Variants in ITGB5 observed in about 807,000 individuals in gnomAD.
ITGB5 encodes the protein integrin beta-5.
A neutral mutation model predicts 84.8 loss-of-function variants in ITGB5; 38 were observed. The ratio of observed to expected loss-of-function variants is 0.45; its 90% CI spans 0.35 to 0.59. The LOEUF (loss-of-function observed/expected upper bound fraction) is 0.59. Among genes scored for constraint, ITGB5 ranks in the 20% least tolerant of loss-of-function variants. The probability of loss-of-function intolerance (pLI) is 0.01; values close to 1 mark genes in which losing one functional copy is unlikely to be tolerated. For synonymous variants in ITGB5, 393 were observed against 414.4 expected (o/e 0.95, Z 0.63); for missense variants, 905 against 1,034.5 (o/e 0.87, Z 1.72).
intron 1 of ITGB5, among the ~76,000 whole-genome samples, chr3:124,877,511 T>C (rs1934380675): frequency 6.6e-6 from 1 of 152,190 alleles, no homozygotes; most frequent in South Asian, 2.1e-4. Flanking sequence ...CTTTGATATA[T>C]AAAATCATTT....
chr3:124,882,479 G>A (rs1452524269), intron 1 of ITGB5, among the ~76,000 whole-genome samples: 1 of 152,212 alleles, frequency 6.6e-6, no homozygotes, highest in Non-Finnish European at 1.5e-5. Context: ...TTGGAGGACA[G>A]TATTCCAGGC....
chr3:124,787,752 G>C (rs1237329153), intron 10 of ITGB5: 2 of 152,190 alleles, frequency 1.3e-5, no homozygotes, highest in Non-Finnish European at 2.9e-5. Context: ...CCAACCACAA[G>C]CTGCAAGAGG....
intron 8 of ITGB5, among the ~76,000 whole-genome samples, chr3:124,809,753 T>C (rs772545829): frequency 3.3e-5 from 5 of 152,138 alleles, no homozygotes; most frequent in Admixed American, 1.3e-4. Flanking sequence ...TATGTGTGGA[T>C]TATATTCTTA....
Position 124,849,456 on chromosome 3 carries a change from T to C in ITGB5, c.362-898A>G, listed in dbSNP as rs545156488. Reference sequence around the variant, plus strand: ...GCCACATCACCTGTGTTTGTTTCTATTTCTCTCGCCATTTACCAGACTAGT... The same window carrying C: ...GCCACATCACCTGTGTTTGTTTCTACTTCTCTCGCCATTTACCAGACTAGT... On this transcript the variant is annotated intron_variant, in intron 3 of 14. Coordinates refer to ENST00000296181, the MANE Select transcript of ITGB5 (RefSeq NM_002213.5). 2.6e-5 allele frequency among the ~76,000 whole-genome samples: 4 copies of C among 152,328 alleles called. No homozygotes were observed. The South Asian group carries it at 8.3e-4, about 32-fold the overall frequency.
intron 8 of ITGB5, chr3:124,809,418 T>C: frequency 4.6e-6 from 2 of 434,316 alleles, no homozygotes; most frequent in Non-Finnish European, 4.2e-6. Flanking sequence ...CATATGATAT[T>C]ATCTGCTTCA....
At chr3:124,826,333 C>G (rs142266050) in intron 5 of ITGB5, among the ~76,000 whole-genome samples, 3 of 152,254 alleles carry the variant, frequency 2.0e-5, no homozygotes, top group Admixed American at 2.0e-4. Flanking sequence ...AGTAAGAAGA[C>G]AGAACAATGT....
At chr3:124,765,006 A>G (rs572330104) in intron 13 of ITGB5, among the ~76,000 whole-genome samples, 1 of 152,260 alleles carries the variant, frequency 6.6e-6, no homozygotes, top group African/African-American at 2.4e-5. Context: ...CTTGGAGTAA[A>G]TGTGCTTGTT....
intron 1 of ITGB5, chr3:124,878,513 T>C (rs1199409400): frequency 6.6e-6 from 1 of 152,116 alleles, no homozygotes; most frequent in African/African-American, 2.4e-5. Flanking sequence ...TTGGGACACA[T>C]TCAAATTCAA....
At chr3:124,893,786 G>A (rs1935046114) in intron 1 of ITGB5, among the ~76,000 whole-genome samples, 1 of 152,212 alleles carries the variant, frequency 6.6e-6, no homozygotes, top group African/African-American at 2.4e-5. Flanking sequence ...TGTGAGGGGG[G>A]TGGAATTTCA....
Position 124,887,018 on chromosome 3 carries a change from AG to A in ITGB5, c.-19del. 1 of 1,145,214 alleles carries A rather than the reference AG, an allele frequency of 8.7e-7. No homozygotes were observed. Among genetic ancestry groups the A allele is most frequent in the Non-Finnish European group, 1.1e-6 (1 of 931,746 alleles). The allele number at this position is 1,145,214 out of a possible 1,614,324, so 70.9% of individuals were successfully genotyped here. On this transcript the variant is annotated 5_prime_UTR_variant, in exon 1 of 15. It removes the in-frame stop codon of an upstream open reading frame in the 5' UTR. Transcript: ENST00000296181. Reference sequence around the variant, plus strand: ...CGCGGCATGGTGGGGCGCCTCCCTCAGCGGCGGCGCGGTCGCTGCACTCCGC... The same window carrying A: ...CGCGGCATGGTGGGGCGCCTCCCTCACGGCGGCGCGGTCGCTGCACTCCGC...
chr3:124,788,606 T>C (rs2064115457), intron 10 of ITGB5, among the ~76,000 whole-genome samples: 1 of 152,230 alleles, frequency 6.6e-6, no homozygotes, highest in African/African-American at 2.4e-5. Flanking sequence ...CGGACTCTCC[T>C]GGCCCTCACT....
chr3:124,853,758 G>GT (rs1449976780), intron 3 of ITGB5, among the ~76,000 whole-genome samples: 1 of 152,166 alleles, frequency 6.6e-6, no homozygotes, highest in Non-Finnish European at 1.5e-5. Context: ...TGGTTTCCTG[G>GT]TTTTGAGAAT....
At chr3:124,883,996 C>T (rs1363000426) in intron 1 of ITGB5, among the ~76,000 whole-genome samples, 1 of 152,086 alleles carries the variant, frequency 6.6e-6, no homozygotes, top group Admixed American at 6.5e-5. Flanking sequence ...GCTGGAAATC[C>T]GTACTGAGAT....
chr3:124,812,620 G>C (rs1045583756), intron 8 of ITGB5, among the ~76,000 whole-genome samples: 1 of 152,168 alleles, frequency 6.6e-6, no homozygotes, highest in Non-Finnish European at 1.5e-5. Context: ...CTCAGGAGGG[G>C]ATTCTCTCAC....
Position 124,773,824 on chromosome 3 carries a change from G to C in ITGB5, c.1782C>G (p.Cys594Trp). 8 of 1,614,076 alleles carry C rather than the reference G, an allele frequency of 5.0e-6. No individual in the cohort carries two copies. The highest frequency in any genetic ancestry group is 6.8e-6 in the Non-Finnish European group (8 of 1,180,032). ...TGCAGATCTGGCCATCTCTGCCCCG[G>C]CATGTGCTGATGTCTGTCGAGCAGT... is the stretch of plus-strand genomic sequence containing the variant. ...NCNCSTDIST[C>W]RGRDGQICSE... Residue 594 changes from cysteine (C) to tryptophan (W), a missense_variant, in exon 11 of 15, where the codon TGC becomes TGG. Around this residue, in one of 3 missense-constraint regions of ITGB5, gnomAD observed 116 missense variants for 177.0 expected, o/e 0.66. Transcript: ENST00000296181.
In ITGB5 at chr3:124,845,269, C is replaced by A. The variant is rs970493017; in HGVS notation, c.611+3040G>T. Among the ~76,000 whole-genome samples the A allele has an allele frequency of 3.1e-4, 47 of 152,208 alleles. 1 individual carries two copies. The highest frequency in any genetic ancestry group is 7.3e-5 in the Non-Finnish European group (5 of 68,030). On this transcript the variant is annotated intron_variant, in intron 4 of 14. Transcript: ENST00000296181. ...CCAACATGGTGAAACCCCATCTCTA[C>A]TAAAAAATACAAAAATTAGCTGGGT... is the stretch of plus-strand genomic sequence containing the variant.
rs2064671251 is a variant in ITGB5 at position 124,819,798 on chromosome 3, C to A, written c.979G>T (p.Ala327Ser). ...AAGATGAGGTTGATGTTGTTCTCTG[C>A]CAATTTCTCTCCAAGCAAGGCAAGG... ...PSLALLGEKL[A>S]ENNINLIFAV... is the part of the protein sequence containing the mutation. Residue 327 changes from alanine (A) to serine (S), a missense_variant, in exon 7 of 15, where the codon GCA (alanine) becomes TCA (serine). This residue lies in a region of ITGB5 where 656 missense variants were observed against 734.7 expected (regional missense o/e 0.89). Coordinates refer to ENST00000296181, the MANE Select transcript of ITGB5 (RefSeq NM_002213.5). The A allele has an allele frequency of 6.2e-7, 1 of 1,614,042 alleles. No individual in the cohort carries two copies. Among genetic ancestry groups the A allele is most frequent in the South Asian group, 1.1e-5 (1 of 91,074 alleles).
At chr3:124,813,921 C>A (rs1270667327) in intron 8 of ITGB5, among the ~76,000 whole-genome samples, 1 of 152,132 alleles carries the variant, frequency 6.6e-6, no homozygotes, top group Non-Finnish European at 1.5e-5. Flanking sequence ...CCCCTGGCAA[C>A]CAGCCACCAT....
intron 5 of ITGB5, among the ~76,000 whole-genome samples, chr3:124,822,228 C>T (rs1208769386): frequency 6.6e-6 from 1 of 152,200 alleles, no homozygotes; most frequent in Non-Finnish European, 1.5e-5. Flanking sequence ...CAAAAACACT[C>T]CCAGTCATCA....
Sources: allele counts gnomAD v4.1 joint callset (sites outside exome capture counted in the v4.1 genomes callset), GRCh38; gene constraint gnomAD v4.1.1; regional missense constraint gnomAD v4.1.1; transcripts MANE v1.5; gene names NCBI Gene and HGNC (gene_info 2026-07-23, HGNC 2026-07-21).